The following COL25A1 variants were observed in gnomAD, a reference collection of about 807,000 sequenced individuals.
The protein encoded by COL25A1 is collagen type XXV alpha 1 chain, also known as collagen alpha-1(XXV) chain.
COL25A1 carries 103 observed loss-of-function variants against 128.4 expected under a neutral mutation model. That is an observed-to-expected ratio of 0.80 (90% CI 0.68 to 0.94). COL25A1 has a LOEUF of 0.94. Ranked by LOEUF, COL25A1 falls within the 40% of genes least tolerant of loss-of-function variation. The pLI, the probability that COL25A1 is intolerant of heterozygous loss-of-function variation, is 0.00. For synonymous variants in COL25A1, 279 were observed against 277.2 expected, an observed-to-expected ratio of 1.01 and a Z score of -0.06; for missense variants, 745 against 840.0, an observed-to-expected ratio of 0.89 and a Z score of 1.40.
chr4:109,256,876 A>C (rs1334078590), intron 3 of COL25A1, among the ~76,000 whole-genome samples: 1 of 152,202 alleles, frequency 6.6e-6, no homozygotes, highest in African/African-American at 2.4e-5. Context: ...CTGGAATCTA[A>C]GAAGGTTAAC....
chr4:109,249,519 C>A (rs61105495), intron 3 of COL25A1, among the ~76,000 whole-genome samples: 6,142 of 152,112 alleles, frequency 0.04, 422 homozygotes, highest in African/African-American at 0.14. Context: ...TAAACAACAA[C>A]AATGTTTTTA....
chr4:109,256,934 G>C lies in COL25A1; in HGVS notation c.367+43649C>G, dbSNP rs1781125031. 2.0e-5 allele frequency among the ~76,000 whole-genome samples: 3 copies of C among 152,264 alleles called. No individual in the cohort carries two copies. The South Asian group carries it at 6.2e-4, about 32-fold the overall frequency. ...TGGGTCACTTCTAATCCCCTAACAA[G>C]AACTTAACTAATTTGACCACACTGA... On this transcript the variant is annotated intron_variant, in intron 3 of 37. Coordinates refer to ENST00000399132, the MANE Select transcript of COL25A1 (RefSeq NM_198721.4).
intron 3 of COL25A1, among the ~76,000 whole-genome samples, chr4:109,242,248 G>A (rs1232387229): frequency 6.6e-6 from 1 of 152,026 alleles, no homozygotes; most frequent in African/African-American, 2.4e-5. Context: ...TTCAGAAACA[G>A]TCAATTCCAC....
At chr4:109,192,961 A>G (rs1189784125) in intron 3 of COL25A1, among the ~76,000 whole-genome samples, 1 of 152,160 alleles carries the variant, frequency 6.6e-6, no homozygotes, top group East Asian at 1.9e-4. Flanking sequence ...AACGAAAAAG[A>G]TATCAGAAGA....
At chr4:109,130,037 T>C (rs1190943812) in intron 3 of COL25A1, among the ~76,000 whole-genome samples, 2 of 151,260 alleles carry the variant, frequency 1.3e-5, no homozygotes, top group African/African-American at 4.9e-5. Context: ...GAATTGTGGA[T>C]TTTTGAGGTG....
At chr4:108,974,660 G>A in intron 6 of COL25A1, 101 bp from the exon 7 acceptor site, 6 of 956,996 alleles carry the variant, frequency 6.3e-6, no homozygotes, top group Non-Finnish European at 9.2e-6. Context: ...AGAATACAGA[G>A]ATAGCTGTCA....
intron 13 of COL25A1, among the ~76,000 whole-genome samples, chr4:108,909,855 C>T (rs989699709): frequency 6.6e-6 from 1 of 152,190 alleles, no homozygotes; most frequent in Non-Finnish European, 1.5e-5. Context: ...CTCTTTGTCT[C>T]TCCAGCCCTA....
intron 35 of COL25A1, among the ~76,000 whole-genome samples, chr4:108,821,133 T>A (rs1342855020): frequency 1.3e-5 from 2 of 152,212 alleles, no homozygotes; most frequent in African/African-American, 2.4e-5. Flanking sequence ...CAGAAATATA[T>A]GAGATGTGCA....
intron 19 of COL25A1, among the ~76,000 whole-genome samples, chr4:108,874,422 A>C (rs1039460017): frequency 6.6e-6 from 1 of 152,090 alleles, no homozygotes; most frequent in Non-Finnish European, 1.5e-5. Flanking sequence ...GGAGTTAAGT[A>C]CTTAACATTA....
chr4:108,843,554 A>C (rs1317512303), intron 30 of COL25A1, among the ~76,000 whole-genome samples: 1 of 152,124 alleles, frequency 6.6e-6, no homozygotes, highest in Non-Finnish European at 1.5e-5. Context: ...TGCCTTCCTC[A>C]CTGGACATCA....
At chr4:109,239,394 GTATA>G (rs144842941) in intron 3 of COL25A1, among the ~76,000 whole-genome samples, 6,290 of 116,390 alleles carry the variant, frequency 0.054, 219 homozygotes, top group Non-Finnish European at 0.073. Flanking sequence ...GTGTGTGTGT[GTATA>G]TATATATATA....
intron 3 of COL25A1, among the ~76,000 whole-genome samples, chr4:109,139,693 T>C (rs1770192762): frequency 6.6e-6 from 1 of 152,148 alleles, no homozygotes; most frequent in Non-Finnish European, 1.5e-5. Flanking sequence ...ATTATTATAC[T>C]TTAAGTTTTA....
intron 3 of COL25A1, among the ~76,000 whole-genome samples, chr4:109,103,162 T>C (rs1434666081): frequency 6.6e-6 from 1 of 152,136 alleles, no homozygotes; most frequent in Non-Finnish European, 1.5e-5. Context: ...TCTTATTTCA[T>C]TAACTTCAAA....
chr4:109,006,378 A>ATTTTTT lies in COL25A1; in HGVS notation c.438+3974_438+3979dup, dbSNP rs56845799. ...AGGTGTGCACTGCCACACCCAGCTA[A>ATTTTTT]TTTTTTTTTTTTTTTTTTTTTTTTT... On this transcript the variant is annotated intron_variant, in intron 6 of 37. Transcript: ENST00000399132. Among the ~76,000 whole-genome samples, 31 of 51,872 alleles carry ATTTTTT rather than the reference A, an allele frequency of 6.0e-4. 1 individual carries two copies. The highest frequency in any genetic ancestry group is 1.7e-3 in the African/African-American group (22 of 12,766). 34.0% of individuals were successfully genotyped at this position (51,872 alleles called of 152,430 possible).
At chr4:109,088,097 T>C (rs116003178) in intron 3 of COL25A1, among the ~76,000 whole-genome samples, 402 of 151,594 alleles carry the variant, frequency 2.7e-3, no homozygotes, top group African/African-American at 9.3e-3. Flanking sequence ...TCAAAATTAA[T>C]CAACACACAT....
At chr4:108,968,357 T>A (rs144838365) in intron 8 of COL25A1, among the ~76,000 whole-genome samples, 5 of 152,278 alleles carry the variant, frequency 3.3e-5, no homozygotes, top group African/African-American at 1.2e-4. Flanking sequence ...TGACTTCCAC[T>A]CTCACTACTT....
intron 6 of COL25A1, among the ~76,000 whole-genome samples, chr4:109,006,096 A>C (rs1755940512): frequency 6.6e-6 from 1 of 152,186 alleles, no homozygotes; most frequent in Non-Finnish European, 1.5e-5. Context: ...CTAGACATAT[A>C]CTGTATGTGA....
chr4:108,824,214 G>A lies in COL25A1; in HGVS notation c.1805C>T (p.Pro602Leu), dbSNP rs764607482. The change falls in exon 35 of 38, where the codon CCA becomes CTA. Residue 602 changes from proline to leucine, a missense_variant. Physicochemically the swap from Pro to Leu is moderately conservative, Grantham distance 98. Coordinates refer to ENST00000399132, the MANE Select transcript of COL25A1 (RefSeq NM_198721.4). ...TCCTAGATCACCCTTCTCACCCCGT[G>A]GACCAGGGAAGCCCTGTAAGATAAA... ...GEPGLDGFPG[P>L]RGEKGDLGEK... The A allele has an allele frequency of 7.4e-6, 12 of 1,612,736 alleles. No homozygotes were observed. Among genetic ancestry groups the A allele is most frequent in the African/African-American group, 1.3e-5 (1 of 74,822 alleles).
At chr4:108,875,295 T>A (rs1410129521) in intron 19 of COL25A1, among the ~76,000 whole-genome samples, 1 of 151,884 alleles carries the variant, frequency 6.6e-6, no homozygotes, top group Non-Finnish European at 1.5e-5. Flanking sequence ...TGGGAGAAAA[T>A]TTTTGCAATC....
Sources: gnomAD v4.1 joint callset for allele counts (sites outside exome capture counted in the v4.1 genomes callset) on GRCh38, gnomAD v4.1.1 for gene constraint, MANE v1.5 for transcripts, NCBI Gene and HGNC (gene_info 2026-07-23, HGNC 2026-07-21) for gene names.